SOS1: variants seen among roughly 807,000 people sequenced by gnomAD.
The protein encoded by SOS1 is son of sevenless homolog 1.
In SOS1, 25 loss-of-function variants were observed where a neutral mutation model predicts 157.6. The ratio of observed to expected loss-of-function variants is 0.16; its 90% CI spans 0.12 to 0.22. The LOEUF is 0.22. Among genes scored for constraint, SOS1 ranks in the 10% least tolerant of loss-of-function variants. The pLI, the probability that SOS1 is intolerant of heterozygous loss-of-function variation, is 1.00. For missense variants in SOS1, 1,237 were observed against 1,599.1 expected (o/e 0.77, Z 3.86); for synonymous variants, 528 against 534.0 (o/e 0.99, Z 0.16).
At chr2:39,123,563 G>C (rs1400530276), upstream of SOS1, among the ~76,000 whole-genome samples, 2 of 151,904 alleles carry the variant, frequency 1.3e-5, no homozygotes, top group Non-Finnish European at 1.5e-5. Flanking sequence ...TCGCTAGGTT[G>C]GCCAGGCTGG....
intron 6 of SOS1, among the ~76,000 whole-genome samples, chr2:39,044,849 C>CAT (rs1670699134): frequency 1.4e-5 from 1 of 70,316 alleles, no homozygotes; most frequent in Non-Finnish European, 2.9e-5. Context: ...TGTACACACA[C>CAT]ATGCGCGCGC....
At chr2:39,047,871 T>C (rs1027282986) in intron 6 of SOS1, among the ~76,000 whole-genome samples, 3 of 152,198 alleles carry the variant, frequency 2.0e-5, no homozygotes, top group Non-Finnish European at 4.4e-5. Context: ...TTTCACCATG[T>C]TGGCCAGGCT....
In SOS1 at chr2:39,013,948, A is replaced by G; in HGVS notation, c.1982T>C (p.Ile661Thr). 1.2e-6 allele frequency: 2 copies of G among 1,604,944 alleles called. No individual in the cohort carries two copies. The highest frequency in any genetic ancestry group is 1.7e-6 in the Non-Finnish European group (2 of 1,172,314). ...PEPEPTEADRIAIENGDQPLS... is the reference protein window; with the variant it reads ...PEPEPTEADRTAIENGDQPLS... ...GGGTTGATCTCCATTCTCTATAGCT[A>G]TGCGATCAGCTTCTGTTGGCTCAGG... Residue 661 changes from isoleucine (I) to threonine (T), a missense_variant, in exon 12 of 23, where the codon ATA (isoleucine) becomes ACA (threonine). Physicochemically the swap from Ile to Thr is moderately conservative, Grantham distance 89. Coordinates refer to ENST00000402219, the MANE Select transcript of SOS1 (RefSeq NM_005633.4).
chr2:39,099,648 T>A (rs1360542981), intron 1 of SOS1, among the ~76,000 whole-genome samples: 1 of 152,070 alleles, frequency 6.6e-6, no homozygotes, highest in Non-Finnish European at 1.5e-5. Context: ...TTGGACTACA[T>A]CAAACTAAAA....
chr2:39,057,930 GTTAC>G (rs1671268079), intron 3 of SOS1, among the ~76,000 whole-genome samples: 1 of 151,902 alleles, frequency 6.6e-6, no homozygotes, highest in Non-Finnish European at 1.5e-5. Flanking sequence ...TGGCATAGAA[GTTAC>G]TTAATCACTT....
At chr2:39,089,405 AC>A (rs759458083) in intron 1 of SOS1, among the ~76,000 whole-genome samples, 104 of 151,574 alleles carry the variant, frequency 6.9e-4, no homozygotes, top group Non-Finnish European at 1.3e-3. Flanking sequence ...GGTGGCACAC[AC>A]CTGTAATCCC....
intron 20 of SOS1, among the ~76,000 whole-genome samples, chr2:38,989,723 A>C (rs1478377168): frequency 6.6e-6 from 1 of 152,106 alleles, no homozygotes; most frequent in Non-Finnish European, 1.5e-5. Context: ...AAAATAAAAA[A>C]GTTACTAATT....
intron 4 of SOS1, among the ~76,000 whole-genome samples, 155 bp downstream of exon 4, chr2:39,056,547 A>G (rs1039356664): frequency 6.6e-6 from 1 of 152,210 alleles, no homozygotes; most frequent in Non-Finnish European, 1.5e-5. Context: ...CTAATGTCTT[A>G]TTTCTATAAA....
At chr2:39,000,480 CAATATATCATT>C (rs1337738667) in intron 17 of SOS1, among the ~76,000 whole-genome samples, 1 of 151,964 alleles carries the variant, frequency 6.6e-6, no homozygotes, top group East Asian at 1.9e-4. Flanking sequence ...TCCTGTACTT[CAATATATCATT>C]TAACATACCC....
intron 13 of SOS1, among the ~76,000 whole-genome samples, chr2:39,012,708 A>C (rs1463356103): frequency 6.6e-6 from 1 of 152,178 alleles, no homozygotes. Context: ...GTAAATCACA[A>C]GATTTATAAG....
intron 16 of SOS1, 36 bp from the exon 17 acceptor site, chr2:39,006,565 G>C (rs1669289137): frequency 2.0e-6 from 2 of 1,018,328 alleles, no homozygotes; most frequent in Non-Finnish European, 3.1e-6. Flanking sequence ...GTTTACAAAA[G>C]GAATCAAAGG....
At chr2:39,112,873 T>C (rs1212603848) in intron 1 of SOS1, among the ~76,000 whole-genome samples, 1 of 151,988 alleles carries the variant, frequency 6.6e-6, no homozygotes, top group Non-Finnish European at 1.5e-5. Context: ...ACCCTGTCTC[T>C]ACTAAAACAC....
chr2:39,022,448 C>T (rs1436829746), intron 10 of SOS1, 122 bp downstream of exon 10: 2 of 740,974 alleles, frequency 2.7e-6, no homozygotes, highest in African/African-American at 3.5e-5. Context: ...TATTTTTAGT[C>T]AAAGAAAAGA....
At chr2:39,119,423 G>A (rs1009442241) in intron 1 of SOS1, among the ~76,000 whole-genome samples, 12 of 152,106 alleles carry the variant, frequency 7.9e-5, no homozygotes, top group African/African-American at 2.7e-4. Context: ...TAGCATAAAA[G>A]GTAAAACATA....
rs1483311338 is a variant in SOS1, at chr2:38,995,371, T to C, written c.3098A>G (p.Tyr1033Cys). ...ACGAACACCAGGAGATTTTAGGGGATAGCTATATTTTTTTGGCTGTAGACA... is the reference window on the plus strand; with the variant it reads ...ACGAACACCAGGAGATTTTAGGGGACAGCTATATTTTTTTGGCTGTAGACA... ...PLPRFPKKYS[Y>C]PLKSPGVRPS... Residue 1033 changes from tyrosine to cysteine, a missense_variant, in exon 20 of 23, where the codon TAT (tyrosine) becomes TGT (cysteine). Physicochemically the swap from Tyr to Cys is radical, Grantham distance 194. This residue lies in a region of SOS1 where 43 missense variants were observed against 83.0 expected (regional missense o/e 0.52). Transcript: ENST00000402219. The C allele has an allele frequency of 5.0e-6, 8 of 1,613,344 alleles. No individual in the cohort carries two copies. The highest frequency in any genetic ancestry group is 1.3e-5 in the African/African-American group (1 of 74,874).
At chr2:39,003,251 TAAAA>T (rs1254894484) in intron 17 of SOS1, among the ~76,000 whole-genome samples, 1 of 152,062 alleles carries the variant, frequency 6.6e-6, no homozygotes, top group Non-Finnish European at 1.5e-5. Context: ...TAGCGGTAAT[TAAAA>T]AAAGTTTGTA....
At chr2:39,048,950 G>A (rs993620862) in intron 6 of SOS1, among the ~76,000 whole-genome samples, 1 of 151,988 alleles carries the variant, frequency 6.6e-6, no homozygotes, top group East Asian at 1.9e-4. Context: ...TTGAGATGGA[G>A]TCTTGCTCTG....
At chr2:39,076,279 G>T (rs577270469) in intron 1 of SOS1, among the ~76,000 whole-genome samples, 1 of 152,016 alleles carries the variant, frequency 6.6e-6, no homozygotes, top group African/African-American at 2.4e-5. Flanking sequence ...ACACATCTGT[G>T]GTCCCAGTTA....
chr2:39,013,705 T>C (rs527417140), intron 12 of SOS1, 142 bp from the exon 13 acceptor site: 138 of 887,306 alleles, frequency 1.6e-4, no homozygotes, highest in Middle Eastern at 5.7e-4. Context: ...AAATTCTATG[T>C]TAAGGCTTAT....
Sources: allele counts gnomAD v4.1 joint callset (sites outside exome capture counted in the v4.1 genomes callset), GRCh38; gene constraint gnomAD v4.1.1; regional missense constraint gnomAD v4.1.1; transcripts MANE v1.5; gene names NCBI Gene and HGNC (gene_info 2026-07-23, HGNC 2026-07-21).